TJP1: variants seen among roughly 807,000 people sequenced by gnomAD.
TJP1 encodes the protein tight junction protein 1, also known as tight junction protein ZO-1.
A neutral mutation model predicts 194.2 loss-of-function variants in TJP1; 43 were observed. The observed-to-expected ratio is 0.22, with a 90% CI of 0.17 to 0.29. TJP1 has a LOEUF of 0.29. TJP1 is among the 10% of genes least tolerant of loss of function. The pLI is 1.00. For missense variants in TJP1, 1,971 were observed against 2,185.7 expected, an observed-to-expected ratio of 0.90 and a Z score of 1.96; for synonymous variants, 801 against 779.0, an observed-to-expected ratio of 1.03 and a Z score of -0.47.
intron 2 of TJP1, among the ~76,000 whole-genome samples, chr15:29,785,172 G>A (rs527535326): frequency 6.6e-6 from 1 of 152,200 alleles, no homozygotes; most frequent in East Asian, 1.9e-4. Flanking sequence ...ATGGAAGAAA[G>A]AGCATCAAAG....
In TJP1 at chr15:29,861,349, G is replaced by A. The variant is rs55770088; in HGVS notation, c.307-60647C>T. On this transcript the variant is annotated intron_variant, in intron 2 of 28. Coordinates refer to the TJP1 transcript ENST00000356107. ...TTTGATTACAGCCATCTTAGTGGAC[G>A]TAAAGTGGTATCTCATTGTGATTTT... 3.7e-4 allele frequency among the ~76,000 whole-genome samples: 56 copies of A among 152,280 alleles called. 1 individual carries two copies. Among genetic ancestry groups the A allele is most frequent in the Admixed American group, 2.6e-4 (4 of 15,298 alleles).
At position 29,701,408 on chromosome 15, in the gene TJP1, AGT is replaced by A; in HGVS notation, c.*185_*186del. The A allele has an allele frequency of 2.1e-6, 1 of 486,746 alleles. No homozygotes were observed. 30.2% of individuals were successfully genotyped at this position (486,746 alleles called of 1,614,324 possible). On this transcript the variant is annotated 3_prime_UTR_variant, in exon 28 of 28. Transcript: ENST00000614355. Reference sequence around the variant, plus strand: ...ACAGTCCCGTCAATCACAAACATGCAGTGTGTAGCATGTTTTCCGACCATGGT... The same window carrying A: ...ACAGTCCCGTCAATCACAAACATGCAGTGTAGCATGTTTTCCGACCATGGT...
intron 2 of TJP1, among the ~76,000 whole-genome samples, chr15:29,785,722 T>C (rs968518380): frequency 2.0e-5 from 3 of 152,214 alleles, no homozygotes; most frequent in African/African-American, 7.2e-5. Context: ...ATTCTTCCTA[T>C]TAACCTTTCA....
downstream of TJP1, chr15:29,699,995 T>C (rs1200858076): frequency 1.0e-5 from 3 of 293,694 alleles, no homozygotes; most frequent in African/African-American, 4.3e-5. Context: ...CCCACCCATC[T>C]GTACATGCTG....
rs1391797323 is a variant in TJP1, at chr15:29,934,539, GC to G, written c.306+21692del. On this transcript the variant is annotated intron_variant, in intron 2 of 28. Transcript: ENST00000356107. ...ATCCAAACCCTCACTTCCCTTCTCA[GC>G]CCCACTTTGAATGACGCCAAGTTAA... Among the ~76,000 whole-genome samples the G allele has an allele frequency of 3.9e-5, 6 of 152,078 alleles. 1 individual carries two copies. The highest frequency in any genetic ancestry group is 1.2e-4 in the African/African-American group (5 of 41,396).
In TJP1 at chr15:29,700,884, T is replaced by A. The variant is rs1437011441; in HGVS notation, c.*711A>T. Reference sequence around the variant, plus strand: ...GATAATGCACAAAAGCCATAAAAACTTAGTAACACAAGGAGAATGAGCTAA... The same window carrying A: ...GATAATGCACAAAAGCCATAAAAACATAGTAACACAAGGAGAATGAGCTAA... On this transcript the variant is annotated 3_prime_UTR_variant, in exon 28 of 28. Transcript: ENST00000614355. The A allele has an allele frequency of 1.3e-5, 2 of 155,034 alleles. No homozygotes were observed. Among genetic ancestry groups the A allele is most frequent in the African/African-American group, 4.8e-5 (2 of 41,556 alleles). 9.6% of individuals were successfully genotyped at this position (155,034 alleles called of 1,614,324 possible).
At chr15:29,959,140 T>C (rs906555816) in intron 1 of TJP1, among the ~76,000 whole-genome samples, 5 of 151,770 alleles carry the variant, frequency 3.3e-5, no homozygotes, top group Non-Finnish European at 7.4e-5. Context: ...CAGGCGCTCA[T>C]CACCACACCT....
chr15:29,735,870 G>A (rs1838204015), intron 11 of TJP1, among the ~76,000 whole-genome samples: 1 of 152,086 alleles, frequency 6.6e-6, no homozygotes, highest in Non-Finnish European at 1.5e-5. Context: ...AAAGGAGGAG[G>A]ATTCAATGAG....
At chr15:29,846,006 TCTC>T (rs374815538) in intron 2 of TJP1, among the ~76,000 whole-genome samples, 3 of 152,034 alleles carry the variant, frequency 2.0e-5, no homozygotes, top group Non-Finnish European at 4.4e-5. Flanking sequence ...ACAAGGGACT[TCTC>T]CATCATCCCA....
At chr15:29,711,072 C>T (rs2151044538) in intron 23 of TJP1, 72 bp from the exon 24 acceptor site, 1 of 1,462,458 alleles carries the variant, frequency 6.8e-7, no homozygotes, top group East Asian at 2.3e-5. Flanking sequence ...CTCATTTCTC[C>T]ATGTATCTCT....
chr15:29,817,765 A>G (rs1017188520), intron 1 of TJP1, among the ~76,000 whole-genome samples: 4 of 152,196 alleles, frequency 2.6e-5, no homozygotes, highest in African/African-American at 9.7e-5. Flanking sequence ...GTTCTCACTC[A>G]TAAGTGGGAG....
chr15:29,860,423 GA>G (rs898241006), intron 2 of TJP1, among the ~76,000 whole-genome samples: 21 of 152,006 alleles, frequency 1.4e-4, no homozygotes, highest in African/African-American at 5.1e-4. Flanking sequence ...CTTGCCCTAG[GA>G]TCACCCCCTC....
At chr15:29,929,817 A>AT (rs1347321203) in intron 2 of TJP1, among the ~76,000 whole-genome samples, 1 of 152,100 alleles carries the variant, frequency 6.6e-6, no homozygotes, top group African/African-American at 2.4e-5. Flanking sequence ...AAAAATCCTG[A>AT]TTTTTAAAAC....
intron 2 of TJP1, among the ~76,000 whole-genome samples, chr15:29,888,353 ACACACATATATACACG>A: frequency 6.6e-6 from 1 of 152,306 alleles, no homozygotes; most frequent in Non-Finnish European, 1.5e-5. Context: ...GAATATACAC[ACACACATATATACACG>A]CACACACAAA....
At chr15:29,812,007 C>A (rs1291754085) in intron 1 of TJP1, among the ~76,000 whole-genome samples, 1 of 152,198 alleles carries the variant, frequency 6.6e-6, no homozygotes, top group African/African-American at 2.4e-5. Context: ...TTTTAGAAGA[C>A]ACAGCTAACA....
chr15:29,934,647 T>G (rs1367803413), intron 2 of TJP1, among the ~76,000 whole-genome samples: 1 of 152,202 alleles, frequency 6.6e-6, no homozygotes, highest in Non-Finnish European at 1.5e-5. Flanking sequence ...CCTTAACTAC[T>G]TCTTAAAAAG....
chr15:29,806,409 G>A (rs775675516), intron 1 of TJP1, among the ~76,000 whole-genome samples: 2 of 152,076 alleles, frequency 1.3e-5, no homozygotes, highest in Non-Finnish European at 2.9e-5. Flanking sequence ...TCATTTATCT[G>A]ACATCATAAA....
In TJP1 at chr15:29,945,793, ACACACACG is replaced by A. The variant is rs147583897; in HGVS notation, c.306+10431_306+10438del. Among the ~76,000 whole-genome samples, 8 of 97,288 alleles carry A rather than the reference ACACACACG, an allele frequency of 8.2e-5. No individual in the cohort carries two copies. The East Asian group carries it at 5.7e-3, about 70-fold the overall frequency. 63.8% of individuals were successfully genotyped at this position (97,288 alleles called of 152,430 possible). A position where few individuals can be genotyped will look rare whatever the true frequency, so the allele number is the denominator to read the frequency against. On this transcript the variant is annotated intron_variant, in intron 2 of 28. Coordinates refer to the TJP1 transcript ENST00000356107. ...GGCTATTAAACACACACACACACAC[ACACACACG>A]CACACACACAGAAGGACACAGGTTA...
intron 8 of TJP1, among the ~76,000 whole-genome samples, chr15:29,748,249 T>C (rs1330185040): frequency 6.6e-6 from 1 of 152,238 alleles, no homozygotes; most frequent in Non-Finnish European, 1.5e-5. Flanking sequence ...ATTTTTTGCA[T>C]ACTGTGTTTT....
Sources: allele counts gnomAD v4.1 joint callset (sites outside exome capture counted in the v4.1 genomes callset), GRCh38; gene constraint gnomAD v4.1.1; transcripts MANE v1.5; gene names NCBI Gene and HGNC (gene_info 2026-07-23, HGNC 2026-07-21).